The following NADSYN1 variants were observed in gnomAD, a reference collection of about 807,000 sequenced individuals.
NADSYN1 encodes the protein NAD synthetase 1.
NADSYN1 carries 80 observed loss-of-function variants against 99.3 expected under a neutral mutation model. That is an observed-to-expected ratio of 0.81 (90% CI 0.67 to 0.97). NADSYN1 has a LOEUF of 0.97. Among genes scored for constraint, NADSYN1 ranks in the 50% least tolerant of loss-of-function variants. NADSYN1 has a pLI of 0.00. For synonymous variants in NADSYN1, 385 were observed against 372.1 expected, an observed-to-expected ratio of 1.03 and a Z score of -0.40; for missense variants, 859 against 948.5, an observed-to-expected ratio of 0.91 and a Z score of 1.24.
intron 5 of NADSYN1, chr11:71,464,371 A>T (rs1949573226): frequency 2.1e-6 from 1 of 478,796 alleles, no homozygotes; most frequent in Admixed American, 3.5e-5. Flanking sequence ...CAGCCCCGGC[A>T]GGGGCTCAGG....
chr11:71,464,096 G>A lies in NADSYN1; in HGVS notation c.361G>A (p.Gly121Ser). The A allele has an allele frequency of 6.2e-7, 1 of 1,612,678 alleles. No individual in the cohort carries two copies. The highest frequency in any genetic ancestry group is 1.1e-5 in the South Asian group (1 of 90,628). The stretch of plus-strand genomic sequence containing the variant: ...ACCCAAGATGGCCTTGGCCAATGAA[G>A]GCAACTACCGCGAGCTGCGCTGGTT... The part of the protein sequence containing the change: ...IRPKMALANE[G>S]NYRELRWFTP... The change falls in exon 5 of 21, where the codon GGC becomes AGC. Residue 121 changes from glycine to serine, a missense_variant. Gly to Ser is a moderately conservative substitution (Grantham distance 56). Coordinates refer to ENST00000319023, the MANE Select transcript of NADSYN1 (RefSeq NM_018161.5).
chr11:71,477,717 G>A (rs940969853), intron 9 of NADSYN1, among the ~76,000 whole-genome samples: 9 of 152,228 alleles, frequency 5.9e-5, no homozygotes, highest in African/African-American at 1.9e-4. Flanking sequence ...CAGGCAGCAC[G>A]TCCAGGCCAA....
At position 71,463,412 on chromosome 11, in the gene NADSYN1, A is replaced by C. The variant is rs1591123096; in HGVS notation, c.264-20A>C. The C allele has an allele frequency of 7.5e-6, 12 of 1,595,088 alleles. No individual in the cohort carries two copies. Among genetic ancestry groups the C allele is most frequent in the East Asian group, 2.2e-5 (1 of 44,676 alleles). ...TTCATAACCGGGCAGACACACATGT[A>C]CCTCCCCTCTCTCCTGCAGGCCTGT... On this transcript the variant is annotated intron_variant, in intron 3 of 20. Transcript: ENST00000319023.
In NADSYN1 at chr11:71,476,905, G is replaced by A. The variant is rs1429661304; in HGVS notation, c.799-1490G>A. On this transcript the variant is annotated intron_variant, in intron 9 of 20. Transcript: ENST00000319023. ...TTTCGTGCATTAGAATCCGGGAGCCGTTGCCTTACACGTCTCTAGAGTTCC... is the reference window on the plus strand; with the variant it reads ...TTTCGTGCATTAGAATCCGGGAGCCATTGCCTTACACGTCTCTAGAGTTCC... The A allele has an allele frequency of 2.2e-5, 22 of 986,978 alleles. No individual in the cohort carries two copies. In the South Asian group the frequency reaches 2.8e-4, roughly 13 times the overall value. The allele number at this position is 986,978 out of a possible 1,614,324, so 61.1% of individuals were successfully genotyped here.
chr11:71,469,264 T>C (rs2120430381), intron 5 of NADSYN1, among the ~76,000 whole-genome samples: 1 of 152,266 alleles, frequency 6.6e-6, no homozygotes, highest in Admixed American at 6.5e-5. Context: ...AGCTCAGAAG[T>C]TCGAGACCAG....
intron 15 of NADSYN1, chr11:71,484,777 G>C (rs943485682): frequency 9.4e-6 from 3 of 319,106 alleles, no homozygotes; most frequent in African/African-American, 2.1e-5. Flanking sequence ...GTCTGAGCCT[G>C]AGTGTGAGCC....
chr11:71,457,261 TTCTA>T (rs1949520477), intron 2 of NADSYN1, among the ~76,000 whole-genome samples: 1 of 152,252 alleles, frequency 6.6e-6, no homozygotes, highest in Admixed American at 6.5e-5. Context: ...TGGATGCCTT[TTCTA>T]TCTGAGAACT....
chr11:71,496,083 G>A (rs1334694563), intron 18 of NADSYN1, among the ~76,000 whole-genome samples: 3 of 152,190 alleles, frequency 2.0e-5, no homozygotes, highest in Admixed American at 2.0e-4. Flanking sequence ...TCAGGGCACG[G>A]GCTCAGGAGG....
Position 71,477,553 on chromosome 11 carries a change from G to A in NADSYN1, c.799-842G>A, listed in dbSNP as rs1452477547. 2.1e-5 allele frequency: 16 copies of A among 766,780 alleles called. 1 individual carries two copies. The highest frequency in any genetic ancestry group is 2.7e-5 in the Non-Finnish European group (15 of 549,428). 47.5% of individuals were successfully genotyped at this position (766,780 alleles called of 1,614,324 possible). A position where few individuals can be genotyped will look rare whatever the true frequency, so the allele number is the denominator to read the frequency against. The stretch of plus-strand genomic sequence containing the variant: ...TCCCGCTGTCCCACACTCGTGTTTA[G>A]CAAGGCAACACTCAGGAACACAATT... On this transcript the variant is annotated intron_variant, in intron 9 of 20. Transcript: ENST00000319023.
At chr11:71,483,423 A>G (rs1949721957) in intron 14 of NADSYN1, among the ~76,000 whole-genome samples, 1 of 152,124 alleles carries the variant, frequency 6.6e-6, no homozygotes, top group Admixed American at 6.5e-5. Context: ...TGTGCTCACC[A>G]GGGTGTGCAG....
rs770596829 is a variant in NADSYN1 at position 71,478,411 on chromosome 11, C to T, written c.815C>T (p.Thr272Met). 35 of 1,608,210 alleles carry T rather than the reference C, an allele frequency of 2.2e-5. No homozygotes were observed. The highest frequency in any genetic ancestry group is 4.5e-5 in the East Asian group (2 of 44,740). ...CTTCTCCAGGAAGTCCTGACGGCCA[C>T]GCTGGATCTGGAGGACGTCCGGAGC... ...SLDDVEVLTA[T>M]LDLEDVRSYR... The change falls in exon 10 of 21, where the codon ACG becomes ATG. Residue 272 changes from threonine (T) to methionine (M), a missense_variant. Physicochemically the swap from Thr to Met is moderately conservative, Grantham distance 81. Coordinates refer to ENST00000319023, the MANE Select transcript of NADSYN1 (RefSeq NM_018161.5).
chr11:71,464,091 A>C lies in NADSYN1; in HGVS notation c.356A>C (p.Asn119Thr). The C allele has an allele frequency of 6.2e-7, 1 of 1,612,872 alleles. No individual in the cohort carries two copies. Among genetic ancestry groups the C allele is most frequent in the Non-Finnish European group, 8.5e-7 (1 of 1,179,554 alleles). Residue 119 changes from asparagine (N) to threonine (T), a missense_variant, in exon 5 of 21, where the codon AAT becomes ACT. Physicochemically the swap from Asn to Thr is moderately conservative, Grantham distance 65. Coordinates refer to ENST00000319023, the MANE Select transcript of NADSYN1 (RefSeq NM_018161.5). ...LLIRPKMALA[N>T]EGNYRELRWF... ...ATCAGACCCAAGATGGCCTTGGCCA[A>C]TGAAGGCAACTACCGCGAGCTGCGC...
At chr11:71,475,944 G>C (rs1024014242) in intron 9 of NADSYN1, 11 of 447,254 alleles carry the variant, frequency 2.5e-5, no homozygotes, top group Non-Finnish European at 4.0e-5. Context: ...AAACTCCTGA[G>C]CTCAGGCAAT....
At chr11:71,468,934 T>C (rs1949610395) in intron 5 of NADSYN1, among the ~76,000 whole-genome samples, 1 of 152,130 alleles carries the variant, frequency 6.6e-6, no homozygotes, top group South Asian at 2.1e-4. Flanking sequence ...AAGCCCTGTA[T>C]GGGAAAAAAT....
At chr11:71,468,349 A>G (rs1792229) in intron 5 of NADSYN1, among the ~76,000 whole-genome samples, 42,815 of 152,042 alleles carry the variant, frequency 0.28, 6,537 homozygotes, top group South Asian at 0.46. Flanking sequence ...GTGTGTAGTA[A>G]AAAGTAGGCC....
chr11:71,488,899 G>A (rs1949761322), intron 16 of NADSYN1, among the ~76,000 whole-genome samples: 1 of 152,134 alleles, frequency 6.6e-6, no homozygotes, highest in Non-Finnish European at 1.5e-5. Flanking sequence ...AGTAGAGAGG[G>A]AGTGGACTTG....
At chr11:71,500,208 A>C (rs951200235) in intron 20 of NADSYN1, among the ~76,000 whole-genome samples, 6 of 152,204 alleles carry the variant, frequency 3.9e-5, no homozygotes, top group Non-Finnish European at 7.3e-5. Context: ...GTAACCTTCT[A>C]ATCAGGAAGA....
At chr11:71,463,887 G>A (rs942719331) in intron 4 of NADSYN1, among the ~76,000 whole-genome samples, 166 bp from the exon 5 acceptor site, 2 of 152,216 alleles carry the variant, frequency 1.3e-5, no homozygotes, top group Non-Finnish European at 2.9e-5. Context: ...ATGGGGACCC[G>A]AGTCATAGAA....
intron 12 of NADSYN1, 56 bp downstream of exon 12, chr11:71,481,460 T>G: frequency 6.4e-7 from 1 of 1,560,896 alleles, no homozygotes; most frequent in Non-Finnish European, 8.8e-7. Context: ...GTTGGTCTGG[T>G]TTTATTCTGG....
Sources: allele counts gnomAD v4.1 joint callset (sites outside exome capture counted in the v4.1 genomes callset), GRCh38; gene constraint gnomAD v4.1.1; transcripts MANE v1.5; gene names NCBI Gene and HGNC (gene_info 2026-07-23, HGNC 2026-07-21).